DENND2A: variants seen among roughly 807,000 people sequenced by gnomAD.
The protein encoded by DENND2A is DENN domain-containing protein 2A.
DENND2A carries 53 observed loss-of-function variants against 105.3 expected under a neutral mutation model. That is an observed-to-expected ratio of 0.50 (90% CI 0.40 to 0.63). The LOEUF (loss-of-function observed/expected upper bound fraction) is 0.63. Among genes scored for constraint, DENND2A ranks in the 30% least tolerant of loss-of-function variants. The pLI is 0.00. For synonymous variants in DENND2A, 522 were observed against 508.4 expected, an observed-to-expected ratio of 1.03 and a Z score of -0.36; for missense variants, 1,138 against 1,279.6, an observed-to-expected ratio of 0.89 and a Z score of 1.69.
At chr7:140,596,534 A>T (rs1054528275) in intron 3 of DENND2A, among the ~76,000 whole-genome samples, 9 of 152,238 alleles carry the variant, frequency 5.9e-5, no homozygotes, top group African/African-American at 1.2e-4. Flanking sequence ...GTCCCATAGA[A>T]GATGGAAATT....
intron 11 of DENND2A, among the ~76,000 whole-genome samples, chr7:140,556,758 C>T (rs1409609980): frequency 6.6e-6 from 1 of 152,120 alleles, no homozygotes; most frequent in Non-Finnish European, 1.5e-5. Context: ...TCTTGAACAC[C>T]TACTATGTGC....
At chr7:140,539,410 G>T (rs1469358987) in intron 14 of DENND2A, among the ~76,000 whole-genome samples, 1 of 152,168 alleles carries the variant, frequency 6.6e-6, no homozygotes, top group Admixed American at 6.5e-5. Context: ...GAGGAGAAAA[G>T]CACAGACTTC....
At chr7:140,608,713 C>A (rs1585748039) in intron 1 of DENND2A, among the ~76,000 whole-genome samples, 1 of 151,954 alleles carries the variant, frequency 6.6e-6, no homozygotes, top group African/African-American at 2.4e-5. Context: ...AGTAACGAAC[C>A]CAGCCGAATT....
intron 1 of DENND2A, among the ~76,000 whole-genome samples, chr7:140,639,433 G>A (rs868219728): frequency 6.0e-5 from 9 of 150,628 alleles, no homozygotes; most frequent in South Asian, 2.1e-4. Flanking sequence ...CTCAGAAACC[G>A]TCTCTGACAC....
chr7:140,639,122 C>T (rs547821801), intron 1 of DENND2A, among the ~76,000 whole-genome samples: 164 of 152,136 alleles, frequency 1.1e-3, no homozygotes, highest in African/African-American at 3.7e-3. Context: ...GAGGCCGAGG[C>T]GGGCAGATCA....
chr7:140,572,999 G>T (rs888266532), intron 6 of DENND2A, among the ~76,000 whole-genome samples: 5 of 152,156 alleles, frequency 3.3e-5, no homozygotes, highest in African/African-American at 1.2e-4. Context: ...GAGGCCAAGA[G>T]AAATCTAATC....
rs756164121 is a variant in DENND2A at position 140,601,432 on chromosome 7, G to A, written c.966C>T (p.Thr322=). 21 of 1,608,428 alleles carry A rather than the reference G, an allele frequency of 1.3e-5. No homozygotes were observed. The highest frequency in any genetic ancestry group is 5.1e-5 in the Admixed American group (3 of 59,292). Residue 322 remains threonine, a synonymous_variant, in exon 3 of 20, where the codon ACC becomes ACT. Transcript: ENST00000496613. ...GGTCTGCACTGGATTTCTGTCTCCC[G>A]GTCCACAGTCTTCTGTTCACAGAGG... ...PPSSVNRRLW[T]GRQKSSADHR...
intron 9 of DENND2A, among the ~76,000 whole-genome samples, chr7:140,565,032 C>T (rs985277616): frequency 6.6e-6 from 1 of 152,148 alleles, no homozygotes; most frequent in African/African-American, 2.4e-5. Flanking sequence ...TTTGGAAGGC[C>T]GGTGCCTATG....
chr7:140,631,544 C>T (rs932179986), intron 1 of DENND2A, among the ~76,000 whole-genome samples: 1 of 152,098 alleles, frequency 6.6e-6, no homozygotes, highest in Non-Finnish European at 1.5e-5. Flanking sequence ...GATTAAGAAG[C>T]TCTCTCTTCT....
At chr7:140,568,538 G>A (rs995866512) in intron 8 of DENND2A, among the ~76,000 whole-genome samples, 3 of 152,162 alleles carry the variant, frequency 2.0e-5, no homozygotes, top group African/African-American at 2.4e-5. Flanking sequence ...GGTCGCTGCC[G>A]TTACTGCAGC....
intron 13 of DENND2A, among the ~76,000 whole-genome samples, chr7:140,545,470 CT>C (rs1796857285): frequency 6.6e-6 from 1 of 152,164 alleles, no homozygotes; most frequent in African/African-American, 2.4e-5. Flanking sequence ...CCTGCCTCAG[CT>C]TCCCAAGTAG....
At chr7:140,578,150 C>T (rs1001621558) in intron 5 of DENND2A, among the ~76,000 whole-genome samples, 8 of 152,168 alleles carry the variant, frequency 5.3e-5, no homozygotes, top group African/African-American at 1.9e-4. Flanking sequence ...GACAAGAACC[C>T]TGATGGTCTG....
At chr7:140,584,597 T>A (rs1798699200) in intron 5 of DENND2A, among the ~76,000 whole-genome samples, 1 of 152,228 alleles carries the variant, frequency 6.6e-6, no homozygotes. Context: ...ATATTATCTA[T>A]GTGCATATGG....
chr7:140,527,555 CA>C lies in DENND2A; in HGVS notation c.2328-61del, dbSNP rs1796108084. 5 of 1,502,082 alleles carry C rather than the reference CA, an allele frequency of 3.3e-6. No homozygotes were observed. The highest frequency in any genetic ancestry group is 4.5e-6 in the Non-Finnish European group (5 of 1,118,788). 93.0% of individuals were successfully genotyped at this position (1,502,082 alleles called of 1,614,324 possible). On this transcript the variant is annotated intron_variant, in intron 14 of 19. Coordinates refer to ENST00000496613, the MANE Select transcript of DENND2A (RefSeq NM_015689.5). This position sits in a 1 kb window ranked among gnomAD's most constrained non-coding sequence, Gnocchi z 4.9. ...CTCAGCGAGGGCCCGAGGAAGCCTC[CA>C]GGGGAGAAGGCTCCTCCCAGAGACA...
At chr7:140,563,847 A>G (rs758437334) in intron 9 of DENND2A, among the ~76,000 whole-genome samples, 1 of 152,080 alleles carries the variant, frequency 6.6e-6, no homozygotes, top group African/African-American at 2.4e-5. Context: ...GCATGGTTGC[A>G]TGCGCCTGTA....
chr7:140,620,696 T>G (rs537407848), intron 1 of DENND2A, among the ~76,000 whole-genome samples: 2 of 152,282 alleles, frequency 1.3e-5, no homozygotes, highest in South Asian at 4.1e-4. Flanking sequence ...CCAGCTCAGG[T>G]GAGTTCATCA....
chr7:140,562,046 C>T (rs943214161), intron 9 of DENND2A, among the ~76,000 whole-genome samples: 5 of 151,840 alleles, frequency 3.3e-5, no homozygotes, highest in Middle Eastern at 3.4e-3. Context: ...CCTGCCACCA[C>T]GCCTGAATAA....
rs765320743 is a variant in DENND2A at position 140,567,081 on chromosome 7, G to A, written c.1779+5C>T. The A allele has an allele frequency of 9.5e-6, 15 of 1,575,916 alleles. No individual in the cohort carries two copies. Among genetic ancestry groups the A allele is most frequent in the Admixed American group, 1.8e-5 (1 of 54,226 alleles). ...CAGGCCACAGGGACCTGGCCACCCT[G>A]TTACCTTCAGAGGGAACTGTTGGGT... On this transcript the variant is annotated splice_donor_5th_base_variant and intron_variant, in intron 9 of 19. Transcript: ENST00000496613.
At position 140,601,713 on chromosome 7, in the gene DENND2A, G is replaced by A. The variant is rs778233422; in HGVS notation, c.685C>T (p.Pro229Ser). 6 of 1,613,944 alleles carry A rather than the reference G, an allele frequency of 3.7e-6. No individual in the cohort carries two copies. The highest frequency in any genetic ancestry group is 3.3e-5 in the Admixed American group (2 of 59,986). Residue 229 changes from proline to serine, a missense_variant, in exon 3 of 20, where the codon CCT (proline) becomes TCT (serine). Physicochemically the swap from Pro to Ser is moderately conservative, Grantham distance 74. Around this residue, in one of 2 missense-constraint regions of DENND2A, gnomAD observed 511 missense variants for 499.9 expected, o/e 1.02. Transcript: ENST00000496613. Reference protein sequence around the residue: ...PSDLEGREPTPELVEDRKGSC... With the variant: ...PSDLEGREPTSELVEDRKGSC... ...CCTTTCCTGTCCTCCACAAGCTCAGGGGTGGGCTCCCTGCCTTCCAGGTCC... is the reference window on the plus strand; with the variant it reads ...CCTTTCCTGTCCTCCACAAGCTCAGAGGTGGGCTCCCTGCCTTCCAGGTCC...
Sources: allele counts gnomAD v4.1 joint callset (sites outside exome capture counted in the v4.1 genomes callset), GRCh38; gene constraint gnomAD v4.1.1; regional missense constraint gnomAD v4.1.1; non-coding constraint Gnocchi (gnomAD v3.1); transcripts MANE v1.5; gene names NCBI Gene and HGNC (gene_info 2026-07-23, HGNC 2026-07-21).